The following APOLD1 variants were observed in gnomAD, a reference collection of about 807,000 sequenced individuals.
APOLD1 encodes apolipoprotein L domain containing 1.
A neutral mutation model predicts 15.3 loss-of-function variants in APOLD1; 22 were observed. The observed-to-expected ratio is 1.44, with a 90% CI of 1.03 to 2.05. The LOEUF is 2.05. Ranked by LOEUF, APOLD1 falls within the 30% of genes most tolerant of loss-of-function variation. The pLI is 0.00. For missense variants in APOLD1, 394 were observed against 353.5 expected (o/e 1.11, Z -0.92); for synonymous variants, 190 against 167.4 (o/e 1.13, Z -1.04).
chr12:12,750,735 A>G (rs942498482), intron 1 of APOLD1, among the ~76,000 whole-genome samples: 9 of 152,102 alleles, frequency 5.9e-5, no homozygotes, highest in African/African-American at 2.2e-4. Context: ...AGTAATAGAA[A>G]AATGGAGTTA....
At chr12:12,739,269 G>A (rs1300772393) in intron 1 of APOLD1, among the ~76,000 whole-genome samples, 1 of 152,188 alleles carries the variant, frequency 6.6e-6, no homozygotes, top group Non-Finnish European at 1.5e-5. Context: ...TGGTTATTGA[G>A]GAATTTGTAT....
chr12:12,729,849 T>C (rs192494255), intron 1 of APOLD1, among the ~76,000 whole-genome samples: 1 of 152,084 alleles, frequency 6.6e-6, no homozygotes, highest in East Asian at 1.9e-4. Context: ...TTAACCACAA[T>C]AAAAAAGAAT....
intron 1 of APOLD1, among the ~76,000 whole-genome samples, chr12:12,732,909 T>C (rs764518670): frequency 2.0e-5 from 3 of 152,208 alleles, no homozygotes; most frequent in Non-Finnish European, 4.4e-5. Flanking sequence ...AAAAACCCTT[T>C]AGATGTAGGG....
chr12:12,756,764 A>G (rs1946860183), intron 1 of APOLD1, among the ~76,000 whole-genome samples: 1 of 152,084 alleles, frequency 6.6e-6, no homozygotes, highest in South Asian at 2.1e-4. Context: ...GGAACCATAT[A>G]ATATTTTTCC....
intron 1 of APOLD1, among the ~76,000 whole-genome samples, chr12:12,762,644 C>T (rs531019266): frequency 1.3e-5 from 2 of 151,948 alleles, no homozygotes; most frequent in African/African-American, 2.4e-5. Flanking sequence ...TGAGCCACCA[C>T]GCCCAGCCTT....
intron 1 of APOLD1, among the ~76,000 whole-genome samples, chr12:12,755,163 A>C (rs1257488475): frequency 2.0e-5 from 3 of 152,220 alleles, no homozygotes; most frequent in East Asian, 3.8e-4. Context: ...CATATATGAA[A>C]ACTTTATTTG....
chr12:12,749,666 C>T (rs1331065487), intron 1 of APOLD1, among the ~76,000 whole-genome samples: 4 of 152,182 alleles, frequency 2.6e-5, no homozygotes, highest in African/African-American at 9.6e-5. Context: ...TGCGGACCAC[C>T]ACTTTATTTA....
At chr12:12,735,412 A>G (rs1187632570) in intron 1 of APOLD1, among the ~76,000 whole-genome samples, 1 of 152,032 alleles carries the variant, frequency 6.6e-6, no homozygotes, top group African/African-American at 2.4e-5. Flanking sequence ...GAAGCTGAGC[A>G]TGAGTTAACC....
chr12:12,743,053 T>C (rs1030820832), intron 1 of APOLD1, among the ~76,000 whole-genome samples: 4 of 152,226 alleles, frequency 2.6e-5, no homozygotes, highest in African/African-American at 9.6e-5. Flanking sequence ...CGCCCCGCCA[T>C]GGTCAAAAGC....
chr12:12,748,621 C>T (rs1457160750), intron 1 of APOLD1, among the ~76,000 whole-genome samples: 3 of 150,498 alleles, frequency 2.0e-5, no homozygotes, highest in Non-Finnish European at 4.4e-5. Context: ...AATCTTTCTT[C>T]TAGCTATTTT....
upstream of APOLD1, among the ~76,000 whole-genome samples, chr12:12,784,588 G>A (rs1187916952): frequency 6.6e-6 from 1 of 152,202 alleles, no homozygotes. Context: ...TCATGTTCCA[G>A]AATGATACGG....
intron 1 of APOLD1, among the ~76,000 whole-genome samples, chr12:12,746,640 A>AT (rs929770349): frequency 3.3e-5 from 5 of 152,016 alleles, no homozygotes; most frequent in African/African-American, 4.8e-5. Context: ...ACATGCTCTA[A>AT]TTTTTTTTAA....
chr12:12,762,328 C>T (rs1007695551), intron 1 of APOLD1, among the ~76,000 whole-genome samples: 6 of 151,916 alleles, frequency 3.9e-5, no homozygotes, highest in African/African-American at 1.5e-4. Context: ...GGAAGGAATA[C>T]CCTGACTTTT....
chr12:12,758,072 C>A (rs1246694962), intron 1 of APOLD1, among the ~76,000 whole-genome samples: 1 of 149,822 alleles, frequency 6.7e-6, no homozygotes, highest in Non-Finnish European at 1.5e-5. Flanking sequence ...ACTACAGGCA[C>A]CCACCACCGT....
At chr12:12,784,086 C>T (rs974766474), upstream of APOLD1, among the ~76,000 whole-genome samples, 7 of 152,174 alleles carry the variant, frequency 4.6e-5, no homozygotes, top group African/African-American at 1.2e-4. Flanking sequence ...TCAGTATACA[C>T]GCTGTCTATT....
At chr12:12,780,892 A>T (rs1485125735), upstream of APOLD1, among the ~76,000 whole-genome samples, 1 of 150,602 alleles carries the variant, frequency 6.6e-6, no homozygotes, top group Non-Finnish European at 1.5e-5. Flanking sequence ...CCTGAATTTT[A>T]TATTTTTGAT....
intron 1 of APOLD1, among the ~76,000 whole-genome samples, chr12:12,751,810 G>T (rs558700186): frequency 6.6e-6 from 1 of 152,204 alleles, no homozygotes; most frequent in Non-Finnish European, 1.5e-5. Flanking sequence ...AGATAAGAGA[G>T]GTTACCTTGT....
At position 12,759,545 on chromosome 12, in the gene APOLD1, A is replaced by G. The variant is rs76038262; in HGVS notation, c.97-27364A>G. Among the ~76,000 whole-genome samples, 750 of 152,210 alleles carry G rather than the reference A, an allele frequency of 4.9e-3. 4 individuals carry two copies. Among genetic ancestry groups the G allele is most frequent in the African/African-American group, 0.017 (701 of 41,476 alleles). On this transcript the variant is annotated intron_variant, in intron 1 of 1. Transcript: ENST00000326765. ...GATAATTCATAAGGTTATGCAATAG[A>G]TATCTGTTTTTGTTGTTGTTGTTGT...
chr12:12,759,870 G>T (rs1473168), intron 1 of APOLD1, among the ~76,000 whole-genome samples: 46,963 of 151,972 alleles, frequency 0.31, 9,119 homozygotes, highest in African/African-American at 0.55. Context: ...TCTTACCATT[G>T]GCAAATATTA....
Sources: allele counts gnomAD v4.1 joint callset (sites outside exome capture counted in the v4.1 genomes callset), GRCh38; gene constraint gnomAD v4.1.1; transcripts MANE v1.5; gene names NCBI Gene and HGNC (gene_info 2026-07-23, HGNC 2026-07-21).